CTC1: variants seen among roughly 807,000 people sequenced by gnomAD.
CTC1 encodes CST complex subunit CTC1.
CTC1 carries 91 observed loss-of-function variants against 136.3 expected under a neutral mutation model. The ratio of observed to expected loss-of-function variants is 0.67; its 90% CI spans 0.56 to 0.79. CTC1 has a LOEUF of 0.79. Ranked by LOEUF, CTC1 falls within the 30% of genes least tolerant of loss-of-function variation. The pLI is 0.00. For missense variants in CTC1, 1,432 were observed against 1,498.1 expected, an observed-to-expected ratio of 0.96 and a Z score of 0.73; for synonymous variants, 606 against 613.8, an observed-to-expected ratio of 0.99 and a Z score of 0.19.
At position 8,227,850 on chromosome 17, in the gene CTC1, T is replaced by C. The variant is rs540622412; in HGVS notation, c.*330A>G. 28 of 236,162 alleles carry C rather than the reference T, an allele frequency of 1.2e-4. No homozygotes were observed. Among genetic ancestry groups the C allele is most frequent in the African/African-American group, 4.7e-4 (21 of 44,654 alleles). The allele number at this position is 236,162 out of a possible 1,614,324, so 14.6% of individuals were successfully genotyped here. A position where few individuals can be genotyped will look rare whatever the true frequency, so the allele number is the denominator to read the frequency against. ...ACCAGAGGGCTTCATTGCAGGTCAATAGGCCTGTCACCATCACCCCACAGC... is the reference window on the plus strand; with the variant it reads ...ACCAGAGGGCTTCATTGCAGGTCAACAGGCCTGTCACCATCACCCCACAGC... On this transcript the variant is annotated 3_prime_UTR_variant, in exon 23 of 23. Coordinates refer to ENST00000651323, the MANE Select transcript of CTC1 (RefSeq NM_025099.6).
At chr17:8,230,206 G>T in intron 17 of CTC1, 88 bp downstream of exon 17, 1 of 1,325,730 alleles carries the variant, frequency 7.5e-7, no homozygotes, top group East Asian at 2.3e-5. Context: ...AAAGAGAAGG[G>T]GTCGCTGCAG....
chr17:8,246,907 AACACACAC>A (rs145222612), intron 1 of CTC1, among the ~76,000 whole-genome samples: 6 of 149,910 alleles, frequency 4.0e-5, no homozygotes, highest in African/African-American at 7.4e-5. Context: ...TCCGTCTCAA[AACACACAC>A]ACACACACAC....
In CTC1 at chr17:8,238,474, G is replaced by T; in HGVS notation, c.353C>A (p.Thr118Lys). The change falls in exon 3 of 23, where the codon ACA becomes AAA. Residue 118 changes from threonine to lysine, a missense_variant. Physicochemically the swap from Thr to Lys is moderately conservative, Grantham distance 78 (BLOSUM62 -1). Transcript: ENST00000651323. The stretch of plus-strand genomic sequence containing the variant: ...TTGTTCCAAGTCTGCCGATAGGTCT[G>T]TTAGTGTCCCTAAAAGTAACAGCTG... The part of the protein sequence containing the change: ...REQLLLLGTL[T>K]DLSADLEQEC... 3 of 1,614,200 alleles carry T rather than the reference G, an allele frequency of 1.9e-6. No homozygotes were observed. The highest frequency in any genetic ancestry group is 2.5e-6 in the Non-Finnish European group (3 of 1,180,030).
In CTC1 at chr17:8,230,209, C is replaced by T. The variant is rs969776503; in HGVS notation, c.2933+85G>A. 62 of 1,354,332 alleles carry T rather than the reference C, an allele frequency of 4.6e-5. No homozygotes were observed. The African/African-American group carries it at 7.7e-4, about 17-fold the overall frequency. 83.9% of individuals were successfully genotyped at this position (1,354,332 alleles called of 1,614,324 possible). The stretch of plus-strand genomic sequence containing the variant: ...GAAACCTGTATGAAAGAGAAGGGGT[C>T]GCTGCAGCAAAGTTAAGCAGGGGTG... On this transcript the variant is annotated intron_variant, in intron 17 of 22. Transcript: ENST00000651323.
chr17:8,226,593 T>G lies in CTC1; in HGVS notation c.*1587A>C, dbSNP rs767456704. 1.3e-5 allele frequency: 2 copies of G among 151,820 alleles called. No individual in the cohort carries two copies. Among genetic ancestry groups the G allele is most frequent in the African/African-American group, 2.4e-5 (1 of 41,182 alleles). The allele number at this position is 151,820 out of a possible 1,614,324, so 9.4% of individuals were successfully genotyped here. On this transcript the variant is annotated 3_prime_UTR_variant, in exon 23 of 23. Transcript: ENST00000651323. ...CTGGAGAGAAATATGGTCAGTATGC[T>G]GAAGAAAAAAATATGACGTAGTCGG...
chr17:8,239,807 A>C (rs1002972473), intron 2 of CTC1, among the ~76,000 whole-genome samples: 1 of 152,176 alleles, frequency 6.6e-6, no homozygotes, highest in Admixed American at 6.5e-5. Flanking sequence ...AGAACATTAT[A>C]CACAAATGAG....
rs1987066631 is a variant in CTC1, at chr17:8,229,932, A to T, written c.2970T>A (p.Thr990=). 6.2e-7 allele frequency: 1 copy of T among 1,614,172 alleles called. No individual in the cohort carries two copies. The highest frequency in any genetic ancestry group is 2.2e-5 in the East Asian group (1 of 44,882). The change falls in exon 18 of 23, where the codon ACT becomes ACA. Residue 990 remains threonine (T), a synonymous_variant. Transcript: ENST00000651323. ...GGGGAAAACTCAGGACCTGCACATA[A>T]GTGGATGACCGGAAACAACAATAAA... ...HNVYCCFRSS[T]YVQVLSFPPE...
chr17:8,235,337 T>C (rs1299050435), intron 7 of CTC1, 52 bp from the exon 8 acceptor site: 1 of 1,399,082 alleles, frequency 7.1e-7, no homozygotes, highest in Non-Finnish European at 1.0e-6. Flanking sequence ...CCCAACTCAA[T>C]GAACCCAGGC....
At chr17:8,233,158 C>CA (rs1236563077) in intron 10 of CTC1, 126 bp from the exon 11 acceptor site, 1 of 1,040,558 alleles carries the variant, frequency 9.6e-7, no homozygotes, top group Non-Finnish European at 1.4e-6. Context: ...TCTCTGGCTT[C>CA]AAAAAACTTA....
At chr17:8,247,836 C>T in intron 1 of CTC1, 168 bp downstream of exon 1, 1 of 660,534 alleles carries the variant, frequency 1.5e-6, no homozygotes, top group Non-Finnish European at 2.7e-6. Context: ...AGGGAATAAA[C>T]ATTCGCAGAA....
Position 8,248,055 on chromosome 17 carries a change from C to CA in CTC1, c.-20_-19insT, listed in dbSNP as rs748572429. The CA allele has an allele frequency of 1.0e-5, 16 of 1,585,906 alleles. No individual in the cohort carries two copies. Among genetic ancestry groups the CA allele is most frequent in the Non-Finnish European group, 8.6e-7 (1 of 1,165,894 alleles). On this transcript the variant is annotated 5_prime_UTR_variant, in exon 1 of 23. Coordinates refer to ENST00000651323, the MANE Select transcript of CTC1 (RefSeq NM_025099.6). ...CCGCCATGATGCGCCGGAGCTCCGC[C>CA]CCCGGGAGGGGCAGGTGCTCGCTTG...
rs754507321 is a variant in CTC1 at position 8,243,135 on chromosome 17, A to G, written c.47T>C (p.Leu16Pro). 2 of 1,613,584 alleles carry G rather than the reference A, an allele frequency of 1.2e-6. No individual in the cohort carries two copies. The highest frequency in any genetic ancestry group is 1.7e-6 in the Non-Finnish European group (2 of 1,179,810). Residue 16 changes from leucine to proline, a missense_variant, in exon 2 of 23, where the codon CTT becomes CCT. Coordinates refer to ENST00000651323, the MANE Select transcript of CTC1 (RefSeq NM_025099.6). ...AQVPSSEQAW[L>P]EDAQVFIQKT... ...TTGGATGAAGACCTGAGCATCCTCA[A>G]GCCAGGCTTGTTCCTGAGGAAAGTG...
rs765972585 is a variant in CTC1 at position 8,231,341 on chromosome 17, G to C, written c.2604C>G (p.Ile868Met). Reference protein sequence around the residue: ...WTLELESSQDIQDVLDANKSL... With the variant: ...WTLELESSQDMQDVLDANKSL... ...ACTTGTTTGCATCCAGCACATCTTG[G>C]ATATCCTGGGAGCTTTCAAGCTCCA... Residue 868 changes from isoleucine (I) to methionine (M), a missense_variant, in exon 15 of 23, where the codon ATC becomes ATG. Coordinates refer to ENST00000651323, the MANE Select transcript of CTC1 (RefSeq NM_025099.6). 6.2e-7 allele frequency: 1 copy of C among 1,609,618 alleles called. No individual in the cohort carries two copies. The highest frequency in any genetic ancestry group is 8.5e-7 in the Non-Finnish European group (1 of 1,176,522).
chr17:8,239,932 C>T (rs1230241477), intron 2 of CTC1, among the ~76,000 whole-genome samples: 1 of 152,104 alleles, frequency 6.6e-6, no homozygotes, highest in Non-Finnish European at 1.5e-5. Flanking sequence ...ACCTGTTGGC[C>T]CCTGCCATGC....
intron 20 of CTC1, 120 bp from the exon 21 acceptor site, chr17:8,229,012 C>T: frequency 6.8e-7 from 1 of 1,467,106 alleles, no homozygotes; most frequent in Non-Finnish European, 9.3e-7. Flanking sequence ...AGGAGCTTAC[C>T]CTCATTCATT....
At chr17:8,247,840 C>T (rs1988889765) in intron 1 of CTC1, 164 bp downstream of exon 1, 2 of 669,236 alleles carry the variant, frequency 3.0e-6, no homozygotes, top group Admixed American at 5.2e-5. Context: ...AATAAACATT[C>T]GCAGAACCAG....
chr17:8,231,290 GT>G lies in CTC1; in HGVS notation c.2654del (p.Asp885AlafsTer33). 6.3e-7 allele frequency: 1 copy of G among 1,578,000 alleles called. No individual in the cohort carries two copies. The highest frequency in any genetic ancestry group is 2.3e-5 in the East Asian group (1 of 43,820). Reference sequence around the variant, plus strand: ...TGGACATTTACTTGTCACTGAGCAGGTCGGTCAGTGAGGATTCAGGCAATGA... The same window carrying G: ...TGGACATTTACTTGTCACTGAGCAGGCGGTCAGTGAGGATTCAGGCAATGA... Reference protein sequence around the residue: ...NKSLPESSLTDLLSDNFTDSL... With the variant: ...NKSLPESSLTXLLSDNFTDSL... On this transcript the variant is annotated frameshift_variant, in exon 15 of 23. Transcript: ENST00000651323. LOFTEE classifies it high-confidence loss of function.
Position 8,236,254 on chromosome 17 carries a change from T to G in CTC1, c.881A>C (p.Gln294Pro). ...TELRVSKIRG[Q>P]RQHVWMTSQS... ...ACTGGTCATCCAAACATGCTGGCGC[T>G]GACCACGGATCTTGGACACTCGCAG... Residue 294 changes from glutamine to proline, a missense_variant, in exon 6 of 23, where the codon CAG becomes CCG. Gln to Pro is a moderately conservative substitution (Grantham distance 76, BLOSUM62 -1). Transcript: ENST00000651323. 1.2e-6 allele frequency: 2 copies of G among 1,614,152 alleles called. No individual in the cohort carries two copies. Among genetic ancestry groups the G allele is most frequent in the Non-Finnish European group, 1.7e-6 (2 of 1,180,034 alleles).
rs768647042 is a variant in CTC1 at position 8,232,924 on chromosome 17, T to A, written c.1927A>T (p.Ser643Cys). The change falls in exon 11 of 23, where the codon AGT (serine) becomes TGT (cysteine). Residue 643 changes from serine to cysteine, a missense_variant. Coordinates refer to ENST00000651323, the MANE Select transcript of CTC1 (RefSeq NM_025099.6). The stretch of plus-strand genomic sequence containing the variant: ...TCCAAACCTATCAGCCGTGGGTCAC[T>A]GAGGGGTTGAGAGTGCTTGGCCAGG... ...LLLAKHSQPL[S>C]DPRLIGCLVR... The A allele has an allele frequency of 6.2e-6, 10 of 1,613,930 alleles. 1 individual carries two copies. The Admixed American group carries it at 1.7e-4, about 27-fold the overall frequency.
Sources: allele counts gnomAD v4.1 joint callset (sites outside exome capture counted in the v4.1 genomes callset), GRCh38; gene constraint gnomAD v4.1.1; transcripts MANE v1.5; gene names NCBI Gene and HGNC (gene_info 2026-07-23, HGNC 2026-07-21).